RFX3: variants seen among roughly 807,000 people sequenced by gnomAD.
RFX3 encodes the protein transcription factor RFX3.
Under a neutral mutation model 98.6 loss-of-function variants are expected in RFX3, and 14 were observed. That is an observed-to-expected ratio of 0.14 (90% CI 0.09 to 0.22). The LOEUF (loss-of-function observed/expected upper bound fraction) is 0.22, where lower values mean the gene tolerates loss of function less well. Ranked by LOEUF, RFX3 falls within the 10% of genes least tolerant of loss-of-function variation. The pLI, the probability that RFX3 is intolerant of heterozygous loss-of-function variation, is 1.00. For synonymous variants in RFX3, 383 were observed against 328.4 expected, an observed-to-expected ratio of 1.17 and a Z score of -1.80; for missense variants, 639 against 926.9, an observed-to-expected ratio of 0.69 and a Z score of 4.03.
intron 2 of RFX3, among the ~76,000 whole-genome samples, chr9:3,376,821 C>A (rs1363336876): frequency 6.6e-6 from 1 of 152,194 alleles, no homozygotes; most frequent in Non-Finnish European, 1.5e-5. Context: ...GACATTTATG[C>A]AGCCAACAGA....
intron 14 of RFX3, among the ~76,000 whole-genome samples, chr9:3,249,445 A>G (rs570281205): frequency 6.6e-6 from 1 of 152,296 alleles, no homozygotes; most frequent in South Asian, 2.1e-4. Flanking sequence ...CTTTAGTCTT[A>G]TCTAACTTAC....
At chr9:3,514,113 G>GT (rs2133859155) in intron 1 of RFX3, among the ~76,000 whole-genome samples, 1 of 152,216 alleles carries the variant, frequency 6.6e-6, no homozygotes, top group African/African-American at 2.4e-5. Context: ...ATCATACAAT[G>GT]TGAGACACTA....
intron 2 of RFX3, among the ~76,000 whole-genome samples, chr9:3,372,502 C>A (rs1225512945): frequency 6.6e-6 from 1 of 151,916 alleles, no homozygotes; most frequent in Non-Finnish European, 1.5e-5. Flanking sequence ...GTATATATGC[C>A]ATCTCCATGT....
chr9:3,351,062 C>T (rs930549404), intron 2 of RFX3, among the ~76,000 whole-genome samples: 2 of 150,798 alleles, frequency 1.3e-5, no homozygotes, highest in East Asian at 1.9e-4. Flanking sequence ...TGCACAACAC[C>T]GAGAATGAAC....
At chr9:3,228,147 T>C (rs1451776436) in intron 16 of RFX3, among the ~76,000 whole-genome samples, 1 of 152,220 alleles carries the variant, frequency 6.6e-6, no homozygotes, top group Non-Finnish European at 1.5e-5. Context: ...AAAATTGCAC[T>C]GGTATATTTA....
intron 1 of RFX3, among the ~76,000 whole-genome samples, chr9:3,408,289 G>T (rs971271542): frequency 6.6e-6 from 1 of 152,134 alleles, no homozygotes; most frequent in Admixed American, 6.6e-5. Context: ...ATAGGCCAAA[G>T]ACACTGTTCA....
intron 6 of RFX3, among the ~76,000 whole-genome samples, chr9:3,289,136 C>T (rs1827010114): frequency 1.3e-5 from 2 of 151,980 alleles, no homozygotes; most frequent in Non-Finnish European, 2.9e-5. Context: ...CCATATATAG[C>T]AATACATCAG....
chr9:3,360,491 C>T (rs139069246), intron 2 of RFX3, among the ~76,000 whole-genome samples: 140 of 151,810 alleles, frequency 9.2e-4, no homozygotes, highest in Non-Finnish European at 1.8e-3. Flanking sequence ...ACATTCTGTA[C>T]CAGAATTTAT....
chr9:3,299,397 A>C (rs1482349319), intron 5 of RFX3, among the ~76,000 whole-genome samples: 2 of 151,800 alleles, frequency 1.3e-5, no homozygotes, highest in African/African-American at 2.4e-5. Context: ...CTGATCAGTC[A>C]GTAGAAGCAC....
intron 1 of RFX3, among the ~76,000 whole-genome samples, chr9:3,410,030 G>A (rs1314884081): frequency 6.6e-6 from 1 of 152,088 alleles, no homozygotes; most frequent in East Asian, 1.9e-4. Flanking sequence ...ACTACACAAG[G>A]AAAGAAATAC....
intron 10 of RFX3, chr9:3,270,786 C>T (rs1165719424): frequency 1.4e-6 from 1 of 689,976 alleles, no homozygotes; most frequent in Admixed American, 2.9e-5. Flanking sequence ...GATGAAATAA[C>T]TACCACAGTC....
intron 1 of RFX3, among the ~76,000 whole-genome samples, chr9:3,501,988 A>T (rs1816069129): frequency 6.6e-6 from 1 of 151,952 alleles, no homozygotes; most frequent in African/African-American, 2.4e-5. Context: ...GCGGTGGCTC[A>T]CGCCTGTAAT....
chr9:3,352,122 T>C (rs1835209904), intron 2 of RFX3, among the ~76,000 whole-genome samples: 2 of 152,060 alleles, frequency 1.3e-5, no homozygotes, highest in Non-Finnish European at 2.9e-5. Flanking sequence ...TTAGGCAAGA[T>C]TGCCAATACA....
chr9:3,485,350 A>T (rs1850169326), intron 1 of RFX3, among the ~76,000 whole-genome samples: 1 of 152,188 alleles, frequency 6.6e-6, no homozygotes, highest in Non-Finnish European at 1.5e-5. Context: ...ACTTTGCATA[A>T]GTCCTTTACT....
Position 3,270,364 on chromosome 9 carries a change from A to C in RFX3, c.1357+7T>G. The C allele has an allele frequency of 1.2e-6, 2 of 1,609,210 alleles. No homozygotes were observed. Among genetic ancestry groups the C allele is most frequent in the Non-Finnish European group, 1.7e-6 (2 of 1,178,390 alleles). ...AAAGCATCCGTACTCGTCTGCATTTAACTTACTAGGAATAGGTCTAAGGAC... is the reference window on the plus strand; with the variant it reads ...AAAGCATCCGTACTCGTCTGCATTTCACTTACTAGGAATAGGTCTAAGGAC... On this transcript the variant is annotated splice_region_variant and intron_variant, in intron 11 of 16. Transcript: ENST00000617270.
chr9:3,348,736 C>G (rs1005773451), intron 2 of RFX3, among the ~76,000 whole-genome samples: 4 of 151,986 alleles, frequency 2.6e-5, no homozygotes, highest in Non-Finnish European at 4.4e-5. Flanking sequence ...CGATTCTCAG[C>G]TTTTGAACAT....
chr9:3,478,409 CTT>C (rs200717765), intron 1 of RFX3, among the ~76,000 whole-genome samples: 22 of 127,796 alleles, frequency 1.7e-4, no homozygotes, highest in South Asian at 2.7e-4. Flanking sequence ...TCTGCTAGAA[CTT>C]TTTTTTTTTT....
chr9:3,422,021 G>T (rs13301035), intron 1 of RFX3, among the ~76,000 whole-genome samples: 15,802 of 151,470 alleles, frequency 0.1, 871 homozygotes, highest in African/African-American at 0.13. Context: ...AAAAATCTAA[G>T]GAGGCATTTG....
rs934865163 is a variant in RFX3, at chr9:3,218,837, T to C, written c.*6205A>G. The C allele has an allele frequency of 2.0e-5, 3 of 152,158 alleles. No individual in the cohort carries two copies. Among genetic ancestry groups the C allele is most frequent in the Non-Finnish European group, 4.4e-5 (3 of 68,002 alleles). 9.4% of individuals were successfully genotyped at this position (152,158 alleles called of 1,614,324 possible). ...GTTCAAATATCTCCTAGTGTTACTA[T>C]GTTTCTGTGCTTGTGGGACTGAATA... On this transcript the variant is annotated 3_prime_UTR_variant, in exon 17 of 17. Coordinates refer to ENST00000617270, the MANE Select transcript of RFX3 (RefSeq NM_001282116.2).
Sources: allele counts gnomAD v4.1 joint callset (sites outside exome capture counted in the v4.1 genomes callset), GRCh38; gene constraint gnomAD v4.1.1; transcripts MANE v1.5; gene names NCBI Gene and HGNC (gene_info 2026-07-23, HGNC 2026-07-21).